Variants in PREX2 observed in about 807,000 individuals in gnomAD.
PREX2 encodes the protein phosphatidylinositol 3,4,5-trisphosphate-dependent Rac exchanger 2 protein.
In PREX2, 107 loss-of-function variants were observed where a neutral mutation model predicts 203.2. That is an observed-to-expected ratio of 0.53 (90% confidence interval 0.45 to 0.62). The LOEUF (loss-of-function observed/expected upper bound fraction) is 0.62. Ranked by LOEUF, PREX2 falls within the 20% of genes least tolerant of loss-of-function variation. The pLI is 0.00. For missense variants in PREX2, 1,777 were observed against 1,955.9 expected, an observed-to-expected ratio of 0.91 and a Z score of 1.72; for synonymous variants, 672 against 663.6, an observed-to-expected ratio of 1.01 and a Z score of -0.19.
intron 37 of PREX2, among the ~76,000 whole-genome samples, chr8:68,194,133 G>A (rs1585856621): frequency 6.6e-6 from 1 of 152,154 alleles, no homozygotes; most frequent in South Asian, 2.1e-4. Flanking sequence ...ATAAGCTTAT[G>A]TTCATATGGT....
At position 68,108,089 on chromosome 8, in the gene PREX2, A is replaced by T; in HGVS notation, c.2716-20A>T. 6.4e-7 allele frequency: 1 copy of T among 1,563,228 alleles called. No homozygotes were observed. Among genetic ancestry groups the T allele is most frequent in the Admixed American group, 1.8e-5 (1 of 56,550 alleles). ...ATTACTGTGTGTTCAACTGCTTTTT[A>T]TGTTTTCTTTAATTTGCAGTTTTCT... On this transcript the variant is annotated intron_variant, in intron 23 of 39. Coordinates refer to ENST00000288368, the MANE Select transcript of PREX2 (RefSeq NM_024870.4).
At chr8:68,109,276 A>G (rs1247796383) in intron 24 of PREX2, 140 bp from the exon 25 acceptor site, 1 of 632,960 alleles carries the variant, frequency 1.6e-6, no homozygotes, top group East Asian at 2.7e-5. Flanking sequence ...TAATGCATAT[A>G]TACGTCAAAA....
At chr8:67,967,169 T>C (rs143620512) in intron 1 of PREX2, among the ~76,000 whole-genome samples, 67 of 152,320 alleles carry the variant, frequency 4.4e-4, no homozygotes, top group African/African-American at 1.5e-3. Context: ...AGGAGGAAAG[T>C]GCCAATTGAT....
intron 37 of PREX2, among the ~76,000 whole-genome samples, chr8:68,197,165 C>T (rs1330897674): frequency 6.6e-6 from 1 of 151,820 alleles, no homozygotes; most frequent in Non-Finnish European, 1.5e-5. Flanking sequence ...CACAAGACCC[C>T]CACTCTCATG....
At chr8:68,112,512 T>G (rs1009064621) in intron 25 of PREX2, among the ~76,000 whole-genome samples, 1 of 151,980 alleles carries the variant, frequency 6.6e-6, no homozygotes, top group Non-Finnish European at 1.5e-5. Flanking sequence ...GTGGTGGTGG[T>G]GGTGGTAGAG....
chr8:68,152,890 A>G (rs1229267121), intron 34 of PREX2, among the ~76,000 whole-genome samples: 1 of 152,116 alleles, frequency 6.6e-6, no homozygotes, highest in Non-Finnish European at 1.5e-5. Flanking sequence ...CGTAGTCATC[A>G]TCTCAGCCCC....
chr8:68,028,135 A>G (rs1355340650), intron 5 of PREX2, among the ~76,000 whole-genome samples: 3 of 152,000 alleles, frequency 2.0e-5, no homozygotes, highest in Non-Finnish European at 2.9e-5. Context: ...CATTTATGAA[A>G]TAGAGATGAT....
chr8:68,116,001 A>T (rs1372176338), intron 26 of PREX2, 69 bp downstream of exon 26: 2 of 1,390,534 alleles, frequency 1.4e-6, no homozygotes, highest in Non-Finnish European at 1.9e-6. Flanking sequence ...TTCCACAAAG[A>T]TCTTGAAAAA....
chr8:68,158,062 A>T (rs932223264), intron 35 of PREX2, among the ~76,000 whole-genome samples: 1 of 147,884 alleles, frequency 6.8e-6, no homozygotes. Context: ...TGTGTGTGTG[A>T]ATATATATAT....
chr8:68,228,961 A>AGAAAAGAAAG, intron 39 of PREX2, among the ~76,000 whole-genome samples: 1 of 122,520 alleles, frequency 8.2e-6, no homozygotes, highest in Non-Finnish European at 1.7e-5. Context: ...AAAAAAAAAA[A>AGAAAAGAAAG]AAAAAAGAAA....
intron 1 of PREX2, among the ~76,000 whole-genome samples, chr8:67,994,869 T>C (rs955184298): frequency 3.3e-5 from 5 of 152,144 alleles, no homozygotes; most frequent in African/African-American, 9.7e-5. Flanking sequence ...CCAAGAAATA[T>C]ACTTGGAGAG....
intron 1 of PREX2, among the ~76,000 whole-genome samples, chr8:67,973,562 A>G (rs1214963195): frequency 6.6e-6 from 1 of 152,128 alleles, no homozygotes; most frequent in Non-Finnish European, 1.5e-5. Flanking sequence ...CCTTTTTGTA[A>G]TGACATCTCT....
Position 68,065,228 on chromosome 8 carries a change from T to C in PREX2, c.1340-3805T>C, listed in dbSNP as rs934266370. 9.2e-5 allele frequency among the ~76,000 whole-genome samples: 14 copies of C among 152,236 alleles called. No individual in the cohort carries two copies. The East Asian group carries it at 1.3e-3, about 15-fold the overall frequency. ...ATAGGTTAGACTACCACTTGTTTCATTGTGGCAAAAACATTTGGGCTCAAC... is the reference window on the plus strand; with the variant it reads ...ATAGGTTAGACTACCACTTGTTTCACTGTGGCAAAAACATTTGGGCTCAAC... On this transcript the variant is annotated intron_variant, in intron 11 of 39. Transcript: ENST00000288368.
chr8:68,014,514 T>A (rs1274632019), intron 1 of PREX2, among the ~76,000 whole-genome samples: 2 of 152,126 alleles, frequency 1.3e-5, no homozygotes, highest in Non-Finnish European at 2.9e-5. Context: ...TTGACTCACC[T>A]GTGTAGTGTC....
rs746308010 is a variant in PREX2 at position 68,192,402 on chromosome 8, G to A, written c.4481G>A (p.Arg1494His). The stretch of plus-strand genomic sequence containing the variant: ...GTAGCCTCGTTTATCAGATCCAAGC[G>A]CACAGCTGCCTGTGCAAACACAGCT... ...RLVASFIRSK[R>H]TAACANTACS... Residue 1494 changes from arginine to histidine, a missense_variant, in exon 37 of 40, where the codon CGC becomes CAC. Coordinates refer to ENST00000288368, the MANE Select transcript of PREX2 (RefSeq NM_024870.4). 7 of 1,613,708 alleles carry A rather than the reference G, an allele frequency of 4.3e-6. No individual in the cohort carries two copies. In the Admixed American group the frequency reaches 8.3e-5, roughly 19 times the overall value.
intron 4 of PREX2, among the ~76,000 whole-genome samples, chr8:68,026,912 C>T (rs997056419): frequency 6.6e-6 from 1 of 152,034 alleles, no homozygotes. Flanking sequence ...TGTTTATCCA[C>T]CACTTATCCA....
At position 68,120,896 on chromosome 8, in the gene PREX2, A is replaced by G. The variant is rs750042049; in HGVS notation, c.3596-25A>G. ...TTGTTTAGGAATTATTTGAGACTTA[A>G]GAGAGATTTTCTGTGTTTATTTAGA... On this transcript the variant is annotated intron_variant, in intron 29 of 39. Transcript: ENST00000288368. 16 of 1,605,756 alleles carry G rather than the reference A, an allele frequency of 1.0e-5. No individual in the cohort carries two copies. In the Admixed American group the frequency reaches 2.7e-4, roughly 27 times the overall value.
chr8:68,053,240 C>T lies in PREX2; in HGVS notation c.1087C>T (p.Arg363Trp), dbSNP rs760923944. 1.1e-5 allele frequency: 18 copies of T among 1,613,098 alleles called. No individual in the cohort carries two copies. The highest frequency in any genetic ancestry group is 1.0e-5 in the Non-Finnish European group (12 of 1,179,476). The change falls in exon 9 of 40, where the codon CGG becomes TGG. Residue 363 changes from arginine to tryptophan, a missense_variant. By Grantham distance (101) the Arg-to-Trp change is moderately radical (BLOSUM62 -3). Coordinates refer to ENST00000288368, the MANE Select transcript of PREX2 (RefSeq NM_024870.4). ...FEAILKERER[R>W]KGLKLGMEQD... is the part of the protein sequence containing the mutation. ...AGCTATTTTGAAAGAAAGAGAACGG[C>T]GGAAAGGTGGGTGTATGAATTGGGC... is the stretch of plus-strand genomic sequence containing the variant.
intron 30 of PREX2, among the ~76,000 whole-genome samples, chr8:68,125,789 A>C (rs1810873963): frequency 1.3e-5 from 2 of 152,036 alleles, no homozygotes; most frequent in African/African-American, 4.8e-5. Context: ...ATATTTTAGA[A>C]AGTTTTTTCC....
Sources: allele counts gnomAD v4.1 joint callset (sites outside exome capture counted in the v4.1 genomes callset), GRCh38; gene constraint gnomAD v4.1.1; transcripts MANE v1.5; gene names NCBI Gene and HGNC (gene_info 2026-07-23, HGNC 2026-07-21).